The following ABTB3 variants were observed in gnomAD, a reference collection of about 807,000 sequenced individuals.
ABTB3 encodes the protein ankyrin repeat- and BTB/POZ domain-containing protein 3.
At chr12:107,419,758 C>G in the ABTB3 span, among the ~76,000 whole-genome samples, 1 of 152,210 alleles carries the variant, frequency 6.6e-6, no homozygotes, top group Admixed American at 6.5e-5. Context: ...TAGTTATTTA[C>G]ATGATCGTCC....
the ABTB3 span, among the ~76,000 whole-genome samples, chr12:107,531,386 G>A: frequency 1.3e-5 from 2 of 152,262 alleles, no homozygotes; most frequent in South Asian, 2.1e-4. Context: ...CACAGCGTCC[G>A]ATACAGCTTT....
chr12:107,486,324 C>G, the ABTB3 span, among the ~76,000 whole-genome samples: 1 of 152,142 alleles, frequency 6.6e-6, no homozygotes. Flanking sequence ...AAACATTAGC[C>G]TGAGTGCCTT....
chr12:107,500,413 T>G, the ABTB3 span, among the ~76,000 whole-genome samples: 1 of 152,316 alleles, frequency 6.6e-6, no homozygotes, highest in Non-Finnish European at 1.5e-5. Flanking sequence ...GCAACCAAGA[T>G]AGGCTGCTGC....
At chr12:107,617,684 T>A in the ABTB3 span, 5 of 500,412 alleles carry the variant, frequency 1.0e-5, no homozygotes. Flanking sequence ...CAGAGAGACA[T>A]CACTCTTGGT....
chr12:107,355,452 T>C, the ABTB3 span, among the ~76,000 whole-genome samples: 1 of 152,244 alleles, frequency 6.6e-6, no homozygotes, highest in South Asian at 2.1e-4. Context: ...CAGAAGCTCC[T>C]TGGACGGATA....
At chr12:107,393,701 C>T in the ABTB3 span, among the ~76,000 whole-genome samples, 18 of 152,248 alleles carry the variant, frequency 1.2e-4, no homozygotes, top group South Asian at 1.0e-3. Context: ...GAGGCCAAGA[C>T]GGGCAGATCA....
chr12:107,657,736 A>G, the ABTB3 span: 1 of 1,612,278 alleles, frequency 6.2e-7, no homozygotes, highest in Non-Finnish European at 8.5e-7. Context: ...AGTGCAGGGA[A>G]TGCTTCCCGG....
the ABTB3 span, among the ~76,000 whole-genome samples, chr12:107,601,938 A>G: frequency 2.0e-5 from 3 of 152,230 alleles, no homozygotes; most frequent in Non-Finnish European, 4.4e-5. Flanking sequence ...CTGGTGAGTG[A>G]GGGCACAGCC....
chr12:107,552,189 C>A, the ABTB3 span, among the ~76,000 whole-genome samples: 1 of 152,176 alleles, frequency 6.6e-6, no homozygotes, highest in Non-Finnish European at 1.5e-5. Flanking sequence ...AATACTTGAA[C>A]CTTTGGAGTC....
At chr12:107,351,859 G>A in the ABTB3 span, among the ~76,000 whole-genome samples, 1 of 152,216 alleles carries the variant, frequency 6.6e-6, no homozygotes, top group Admixed American at 6.5e-5. Context: ...GTGACCTGAG[G>A]CAAATCATGG....
the ABTB3 span, among the ~76,000 whole-genome samples, chr12:107,556,180 C>T: frequency 7.2e-5 from 11 of 151,998 alleles, no homozygotes; most frequent in African/African-American, 1.9e-4. Context: ...CCGCAACCTC[C>T]GCCTCCCAGG....
the ABTB3 span, among the ~76,000 whole-genome samples, chr12:107,358,700 G>T: frequency 6.6e-6 from 1 of 152,050 alleles, no homozygotes. Flanking sequence ...GTTCAAGTGA[G>T]TCTCCTGCCT....
the ABTB3 span, among the ~76,000 whole-genome samples, chr12:107,337,936 C>G: frequency 6.6e-6 from 1 of 152,216 alleles, no homozygotes; most frequent in Admixed American, 6.5e-5. Flanking sequence ...CTCTCCATCT[C>G]TCTTCTAATT....
At chr12:107,533,832 C>T in the ABTB3 span, among the ~76,000 whole-genome samples, 1 of 152,082 alleles carries the variant, frequency 6.6e-6, no homozygotes. Flanking sequence ...ACATTTTTCT[C>T]AACAACACAT....
At chr12:107,645,957 G>A in the ABTB3 span, among the ~76,000 whole-genome samples, 1 of 152,378 alleles carries the variant, frequency 6.6e-6, no homozygotes, top group African/African-American at 2.4e-5. Context: ...ATAGGCCAAG[G>A]AGGGCTGAAT....
chr12:107,567,436 C>T, the ABTB3 span, among the ~76,000 whole-genome samples: 2 of 152,164 alleles, frequency 1.3e-5, no homozygotes, highest in Admixed American at 1.3e-4. Context: ...TTTTACTGTG[C>T]CTTTTCCACA....
the ABTB3 span, among the ~76,000 whole-genome samples, chr12:107,389,246 T>C: frequency 6.6e-5 from 10 of 152,324 alleles, no homozygotes; most frequent in East Asian, 1.9e-3. Context: ...AAAGAAGCAA[T>C]GTGACTCAAG....
chr12:107,388,308 C>T, the ABTB3 span, among the ~76,000 whole-genome samples: 3 of 150,340 alleles, frequency 2.0e-5, no homozygotes, highest in Admixed American at 6.6e-5. Context: ...CCTTCTCTTT[C>T]CTTCTCCTTC....
the ABTB3 span, among the ~76,000 whole-genome samples, chr12:107,436,437 C>T: frequency 6.6e-5 from 10 of 152,180 alleles, no homozygotes; most frequent in Non-Finnish European, 1.0e-4. Context: ...GTTTTCTATA[C>T]CACTAATGTA....
Sources: allele counts gnomAD v4.1 joint callset (sites outside exome capture counted in the v4.1 genomes callset), GRCh38; gene constraint gnomAD v4.1.1; transcripts MANE v1.5; gene names NCBI Gene and HGNC (gene_info 2026-07-23, HGNC 2026-07-21).